NID1: variants seen among roughly 807,000 people sequenced by gnomAD.
NID1 encodes nidogen-1.
A neutral mutation model predicts 130.6 loss-of-function variants in NID1; 76 were observed. That is an observed-to-expected ratio of 0.58 (90% CI 0.48 to 0.70). The LOEUF is 0.70. Ranked by LOEUF, NID1 falls within the 30% of genes least tolerant of loss-of-function variation. The pLI is 0.00. For missense variants in NID1, 1,517 were observed against 1,664.8 expected (o/e 0.91, Z 1.54); for synonymous variants, 665 against 675.1 (o/e 0.98, Z 0.23).
intron 12 of NID1, among the ~76,000 whole-genome samples, chr1:236,009,175 C>T (rs1267391969): frequency 2.0e-5 from 3 of 152,188 alleles, no homozygotes; most frequent in Admixed American, 1.3e-4. Context: ...GTGACTAGGT[C>T]ATGAAAGGGG....
Position 235,979,752 on chromosome 1 carries a change from G to A in NID1, c.3509+70C>T. 1.3e-6 allele frequency: 2 copies of A among 1,578,532 alleles called. No homozygotes were observed. The highest frequency in any genetic ancestry group is 1.7e-6 in the Non-Finnish European group (2 of 1,152,400). On this transcript the variant is annotated intron_variant, in intron 18 of 19. Coordinates refer to ENST00000264187, the MANE Select transcript of NID1 (RefSeq NM_002508.3). This position sits in a 1 kb window ranked among gnomAD's most constrained non-coding sequence, Gnocchi z 4.6. Reference sequence around the variant, plus strand: ...TCAAGCCAAGAGGCCAGATGGGAAGGGCCTGGCCTCCCAGAGACAGTGGGT... The same window carrying A: ...TCAAGCCAAGAGGCCAGATGGGAAGAGCCTGGCCTCCCAGAGACAGTGGGT...
intron 12 of NID1, among the ~76,000 whole-genome samples, chr1:236,009,779 AT>A (rs1658356386): frequency 6.6e-6 from 1 of 152,202 alleles, no homozygotes; most frequent in South Asian, 2.1e-4. Flanking sequence ...AGTCATTTAT[AT>A]TTTTTTCTAT....
chr1:236,017,407 T>TG (rs1658632529), intron 9 of NID1, 134 bp from the exon 10 acceptor site: 1 of 967,072 alleles, frequency 1.0e-6, no homozygotes, highest in Admixed American at 2.9e-5. Context: ...TTTTCCGAGA[T>TG]GGAGTCTTGC....
intron 4 of NID1, 57 bp downstream of exon 4, chr1:236,041,853 C>G: frequency 6.5e-7 from 1 of 1,549,228 alleles, no homozygotes; most frequent in Non-Finnish European, 8.7e-7. Context: ...AGCAGTACGC[C>G]TGTCTGGAAG....
At chr1:236,008,745 C>T (rs1263965595) in intron 12 of NID1, among the ~76,000 whole-genome samples, 4 of 151,856 alleles carry the variant, frequency 2.6e-5, no homozygotes, top group Non-Finnish European at 5.9e-5. Flanking sequence ...CGGATCACCG[C>T]AACCTCTGCC....
intron 4 of NID1, among the ~76,000 whole-genome samples, chr1:236,040,170 A>G (rs1341709644): frequency 6.6e-6 from 1 of 152,178 alleles, no homozygotes; most frequent in South Asian, 2.1e-4. Context: ...AAAACCCAAC[A>G]TATGCAAGGA....
chr1:236,036,222 C>A (rs1659254953), intron 5 of NID1, among the ~76,000 whole-genome samples: 1 of 152,172 alleles, frequency 6.6e-6, no homozygotes, highest in Admixed American at 6.5e-5. Context: ...ACACACCACC[C>A]CTGGGGTGAT....
chr1:236,045,594 C>T lies in NID1; in HGVS notation c.615G>A (p.Thr205=), dbSNP rs765041576. 43 of 1,613,924 alleles carry T rather than the reference C, an allele frequency of 2.7e-5. No homozygotes were observed. Among genetic ancestry groups the T allele is most frequent in the Middle Eastern group, 3.3e-4 (2 of 6,084 alleles). ...GGTTGTTTTCCTTCTTTGAGAATGT[C>T]GTATGGAACTGCAGACCATCCTCAG... The part of the protein sequence containing the change: ...LYPEDGLQFH[T]TFSKKENNQV... Residue 205 remains threonine, a synonymous_variant, in exon 3 of 20, where the codon ACG becomes ACA. Coordinates refer to ENST00000264187, the MANE Select transcript of NID1 (RefSeq NM_002508.3).
At chr1:236,053,026 A>G (rs1360550899) in intron 1 of NID1, among the ~76,000 whole-genome samples, 1 of 152,236 alleles carries the variant, frequency 6.6e-6, no homozygotes, top group Non-Finnish European at 1.5e-5. Flanking sequence ...AAGCTGCCGG[A>G]TTTGTGATTG....
In NID1 at chr1:236,062,505, G is replaced by A. The variant is rs1456916826; in HGVS notation, c.225+2350C>T. Among the ~76,000 whole-genome samples, 11 of 151,976 alleles carry A rather than the reference G, an allele frequency of 7.2e-5. No homozygotes were observed. In the South Asian group the frequency reaches 1.0e-3, roughly 14 times the overall value. On this transcript the variant is annotated intron_variant, in intron 1 of 19. Transcript: ENST00000264187. Reference sequence around the variant, plus strand: ...CAAAATTAGCCAGGCATGGTGGTGCGCGCCTGTAATCCCAGCTACTCGGGA... The same window carrying A: ...CAAAATTAGCCAGGCATGGTGGTGCACGCCTGTAATCCCAGCTACTCGGGA...
At chr1:235,986,879 G>A (rs1283068325) in intron 14 of NID1, among the ~76,000 whole-genome samples, 5 of 152,184 alleles carry the variant, frequency 3.3e-5, no homozygotes, top group Admixed American at 2.0e-4. Context: ...CTGGCCTTCC[G>A]TGGTATTAAG....
chr1:235,991,826 G>A (rs978301400), intron 13 of NID1, among the ~76,000 whole-genome samples: 2 of 152,182 alleles, frequency 1.3e-5, no homozygotes, highest in Non-Finnish European at 2.9e-5. Context: ...TGCTGGAGGA[G>A]CCTGTCAGAA....
At chr1:236,037,395 C>T (rs992139667) in intron 5 of NID1, among the ~76,000 whole-genome samples, 1 of 152,190 alleles carries the variant, frequency 6.6e-6, no homozygotes, top group Non-Finnish European at 1.5e-5. Flanking sequence ...CGCTGGCTCA[C>T]ACCTGTAATC....
At chr1:235,997,648 A>G (rs1657965700) in intron 12 of NID1, among the ~76,000 whole-genome samples, 1 of 137,120 alleles carries the variant, frequency 7.3e-6, no homozygotes, top group Non-Finnish European at 1.5e-5. Context: ...TCTGTCTTGC[A>G]CAGGCTGGAG....
chr1:236,014,781 T>A lies in NID1; in HGVS notation c.2255-1221A>T, dbSNP rs148445225. On this transcript the variant is annotated intron_variant, in intron 10 of 19. Transcript: ENST00000264187. ...AGGGGAGGAGAAGTAGGACCTCAAGTTCACCACACTCCATATGCCAGCCCA... is the reference window on the plus strand; with the variant it reads ...AGGGGAGGAGAAGTAGGACCTCAAGATCACCACACTCCATATGCCAGCCCA... Among the ~76,000 whole-genome samples the A allele has an allele frequency of 7.8e-3, 1,194 of 152,270 alleles. 12 individuals carry two copies. Among genetic ancestry groups the A allele is most frequent in the Non-Finnish European group, 0.011 (779 of 68,020 alleles).
chr1:236,034,422 C>CAAAAA (rs144657585), intron 5 of NID1, among the ~76,000 whole-genome samples: 2 of 92,624 alleles, frequency 2.2e-5, no homozygotes, highest in Admixed American at 1.3e-4. Context: ...AACTCCATCT[C>CAAAAA]AAAAAAAAAA....
chr1:236,031,246 G>A (rs2102830818), intron 6 of NID1, among the ~76,000 whole-genome samples: 1 of 152,126 alleles, frequency 6.6e-6, no homozygotes, highest in East Asian at 1.9e-4. Flanking sequence ...AGCCTCCCGA[G>A]TAGCTGGGAC....
rs569277760 is a variant in NID1, at chr1:236,042,361, A to C, written c.753-69T>G. On this transcript the variant is annotated intron_variant, in intron 3 of 19. Coordinates refer to ENST00000264187, the MANE Select transcript of NID1 (RefSeq NM_002508.3). ...CCAACAGCCACCACTACCCAAGCAGAGGGAGCCCTGAGGATCTGTGTTGGT... is the reference window on the plus strand; with the variant it reads ...CCAACAGCCACCACTACCCAAGCAGCGGGAGCCCTGAGGATCTGTGTTGGT... 4 of 1,543,356 alleles carry C rather than the reference A, an allele frequency of 2.6e-6. No individual in the cohort carries two copies. The East Asian group carries it at 9.0e-5, about 35-fold the overall frequency.
intron 9 of NID1, among the ~76,000 whole-genome samples, chr1:236,022,629 C>G (rs557878551): frequency 1.3e-5 from 2 of 151,098 alleles, no homozygotes; most frequent in African/African-American, 4.9e-5. Context: ...TGAGCCACTG[C>G]GCCTGGCCTC....
Sources: gnomAD v4.1 joint callset for allele counts (sites outside exome capture counted in the v4.1 genomes callset) on GRCh38, gnomAD v4.1.1 for gene constraint, Gnocchi (gnomAD v3.1) non-coding constraint, MANE v1.5 for transcripts, NCBI Gene and HGNC (gene_info 2026-07-23, HGNC 2026-07-21) for gene names.